Variants in RRP1 observed in about 807,000 individuals in gnomAD.
RRP1 encodes the protein ribosomal RNA processing protein 1 homolog A.
In RRP1, 37 loss-of-function variants were observed where a neutral mutation model predicts 54.6. The ratio of observed to expected loss-of-function variants is 0.68; its 90% confidence interval spans 0.52 to 0.89. The LOEUF is 0.89. Ranked by LOEUF, RRP1 falls within the 40% of genes least tolerant of loss-of-function variation. RRP1 has a pLI of 0.00. For missense variants in RRP1, 639 were observed against 612.5 expected, an observed-to-expected ratio of 1.04 and a Z score of -0.46; for synonymous variants, 262 against 244.3, an observed-to-expected ratio of 1.07 and a Z score of -0.67.
At chr21:43,802,011 G>GT (rs1419332376) in intron 11 of RRP1, among the ~76,000 whole-genome samples, 1 of 152,198 alleles carries the variant, frequency 6.6e-6, no homozygotes, top group Non-Finnish European at 1.5e-5. Context: ...GCTGGTCCCA[G>GT]GCATTTGGGG....
chr21:43,804,164 C>T lies in RRP1; in HGVS notation c.*390C>T. On this transcript the variant is annotated 3_prime_UTR_variant, in exon 13 of 13. Transcript: ENST00000497547. The surrounding 1 kb of genome is among the most constrained non-coding windows in gnomAD (Gnocchi z 4.3). ...GAGGTGGCAGGCGCCAGCCTCCGAGCAGTGTGGTGGTTTATATTCATGTTT... is the reference window on the plus strand; with the variant it reads ...GAGGTGGCAGGCGCCAGCCTCCGAGTAGTGTGGTGGTTTATATTCATGTTT... 4.7e-6 allele frequency: 1 copy of T among 213,162 alleles called. No individual in the cohort carries two copies. The allele number at this position is 213,162 out of a possible 1,614,324, so 13.2% of individuals were successfully genotyped here. A position where few individuals can be genotyped will look rare whatever the true frequency, so the allele number is the denominator to read the frequency against.
chr21:43,794,255 C>A (rs578001442), intron 4 of RRP1, among the ~76,000 whole-genome samples: 1 of 152,168 alleles, frequency 6.6e-6, no homozygotes, highest in South Asian at 2.1e-4. Flanking sequence ...AGGCCAGGGG[C>A]CCGGCCATGC....
chr21:43,801,017 C>T (rs752044959), intron 11 of RRP1, 136 bp downstream of exon 11: 21 of 935,050 alleles, frequency 2.2e-5, no homozygotes, highest in Non-Finnish European at 3.4e-5. Context: ...TTCTGAGGGA[C>T]AGGGAGGCAG....
chr21:43,797,223 T>C, intron 5 of RRP1, 199 bp from the exon 6 acceptor site: 1 of 795,744 alleles, frequency 1.3e-6, no homozygotes, highest in Non-Finnish European at 1.9e-6. Context: ...ACTCCCTAAC[T>C]GCAAGACTGC....
chr21:43,798,441 G>A (rs918133598), intron 8 of RRP1, among the ~76,000 whole-genome samples: 1 of 152,046 alleles, frequency 6.6e-6, no homozygotes, highest in African/African-American at 2.4e-5. Context: ...ATCACTCTCT[G>A]GGGCTGGACT....
At chr21:43,791,763 C>G (rs2084961647) in intron 2 of RRP1, among the ~76,000 whole-genome samples, 1 of 152,148 alleles carries the variant, frequency 6.6e-6, no homozygotes, top group African/African-American at 2.4e-5. Context: ...CTCGGCCTCC[C>G]AAAGTGCTGG....
chr21:43,795,049 G>T, intron 4 of RRP1, 140 bp from the exon 5 acceptor site: 1 of 768,790 alleles, frequency 1.3e-6, no homozygotes. Flanking sequence ...AGCAGCTCTG[G>T]GGGCCGGCTG....
Position 43,805,276 on chromosome 21 carries a change from CAA to C in RRP1, c.*1518_*1519del, listed in dbSNP as rs59150143. The C allele has an allele frequency of 1.7e-3, 205 of 119,462 alleles. 1 individual carries two copies. The Middle Eastern group carries it at 0.035, about 21-fold the overall frequency. The allele number at this position is 119,462 out of a possible 1,614,324, so 7.4% of individuals were successfully genotyped here. On this transcript the variant is annotated 3_prime_UTR_variant, in exon 13 of 13. Transcript: ENST00000497547. ...GGGCAACGAGAGGGAAACTCTGTTTCAAAAAAAAAAAAAAAAAGACAAGCGTG... is the reference window on the plus strand; with the variant it reads ...GGGCAACGAGAGGGAAACTCTGTTTCAAAAAAAAAAAAAAAGACAAGCGTG...
Position 43,804,066 on chromosome 21 carries a change from G to C in RRP1, c.*292G>C. 2.6e-6 allele frequency: 1 copy of C among 381,778 alleles called. No homozygotes were observed. Among genetic ancestry groups the C allele is most frequent in the Non-Finnish European group, 4.6e-6 (1 of 216,482 alleles). 23.6% of individuals were successfully genotyped at this position (381,778 alleles called of 1,614,324 possible). ...GGACTGGCCGCCCCTGCTGTGGGGGGTTCAGAAAATAAAATGCCGCGCAGC... is the reference window on the plus strand; with the variant it reads ...GGACTGGCCGCCCCTGCTGTGGGGGCTTCAGAAAATAAAATGCCGCGCAGC... On this transcript the variant is annotated 3_prime_UTR_variant, in exon 13 of 13. Transcript: ENST00000497547. The surrounding 1 kb of genome is among the most constrained non-coding windows in gnomAD (Gnocchi z 4.3).
intron 4 of RRP1, among the ~76,000 whole-genome samples, chr21:43,793,681 G>A (rs1057485326): frequency 6.6e-6 from 1 of 152,260 alleles, no homozygotes; most frequent in Non-Finnish European, 1.5e-5. Context: ...CTCTCCTGGT[G>A]AGAGTCGATG....
rs531133686 is a variant in RRP1, at chr21:43,802,354, C to A, written c.1090C>A (p.Gln364Lys). ...GAGGCGGCAGAAGAAGACGAAGAAG[C>A]AGAAGCGTCTGCTCAGGTTGCAGCA... ...EGRRQKKTKK[Q>K]KRLLRLQQER... Residue 364 changes from glutamine (Q) to lysine (K), a missense_variant, in exon 12 of 13, where the codon CAG (glutamine) becomes AAG (lysine). Physicochemically the swap from Gln to Lys is moderately conservative, Grantham distance 53. Transcript: ENST00000497547. 213 of 1,613,958 alleles carry A rather than the reference C, an allele frequency of 1.3e-4. No homozygotes were observed. In the South Asian group the frequency reaches 2.2e-3, roughly 17 times the overall value.
chr21:43,795,508 G>A (rs553602982), intron 5 of RRP1, among the ~76,000 whole-genome samples: 31 of 152,304 alleles, frequency 2.0e-4, no homozygotes, highest in Admixed American at 7.2e-4. Context: ...GTGTCCAGCC[G>A]AGGAGCTTCT....
chr21:43,798,164 C>T lies in RRP1; in HGVS notation c.811+64C>T. The T allele has an allele frequency of 4.9e-6, 7 of 1,431,896 alleles. No individual in the cohort carries two copies. The South Asian group carries it at 5.5e-5, about 11-fold the overall frequency. The allele number at this position is 1,431,896 out of a possible 1,614,324, so 88.7% of individuals were successfully genotyped here. ...GTCCTGGGCTGAGCCAGTGCGATCTCCTGCTGGGTTGCTCCTGCCACCTCC... is the reference window on the plus strand; with the variant it reads ...GTCCTGGGCTGAGCCAGTGCGATCTTCTGCTGGGTTGCTCCTGCCACCTCC... On this transcript the variant is annotated intron_variant, in intron 8 of 12. Transcript: ENST00000497547.
At position 43,799,579 on chromosome 21, in the gene RRP1, G is replaced by A. The variant is rs1222915966; in HGVS notation, c.821G>A (p.Cys274Tyr). ...GTCCCTTTTGTTCCAGGCTCCATCTGCAGGGCTGAACCTGAGGCTGGTGAG... is the reference window on the plus strand; with the variant it reads ...GTCCCTTTTGTTCCAGGCTCCATCTACAGGGCTGAACCTGAGGCTGGTGAG... Reference protein sequence around the residue: ...RSEKPPAGSICRAEPEAGEEQ... With the variant: ...RSEKPPAGSIYRAEPEAGEEQ... The change falls in exon 9 of 13, where the codon TGC (cysteine) becomes TAC (tyrosine). Residue 274 changes from cysteine (C) to tyrosine (Y), a missense_variant. Physicochemically the swap from Cys to Tyr is radical, Grantham distance 194 (BLOSUM62 -2). Transcript: ENST00000497547. 8 of 1,611,828 alleles carry A rather than the reference G, an allele frequency of 5.0e-6. No individual in the cohort carries two copies. Among genetic ancestry groups the A allele is most frequent in the Admixed American group, 1.7e-5 (1 of 59,902 alleles).
chr21:43,802,132 C>T (rs1467524688), intron 11 of RRP1, 142 bp from the exon 12 acceptor site: 2 of 621,102 alleles, frequency 3.2e-6, no homozygotes, highest in South Asian at 1.9e-5. Context: ...ACTGAACACG[C>T]TGCTCCTGGG....
rs547180939 is a variant in RRP1 at position 43,798,347 on chromosome 21, G to A, written c.811+247G>A. On this transcript the variant is annotated intron_variant, in intron 8 of 12. Transcript: ENST00000497547. The stretch of plus-strand genomic sequence containing the variant: ...GGACCCCTGGGCTCCTCGGTCTAAC[G>A]CATGCCTCTGGCTCAGTTGGCCCCC... Among the ~76,000 whole-genome samples the A allele has an allele frequency of 1.6e-4, 25 of 152,200 alleles. No individual in the cohort carries two copies. In the South Asian group the frequency reaches 4.6e-3, roughly 28 times the overall value.
In RRP1 at chr21:43,805,083, G is replaced by C. The variant is rs2085130307; in HGVS notation, c.*1309G>C. 6.6e-6 allele frequency: 1 copy of C among 152,292 alleles called. No homozygotes were observed. Among genetic ancestry groups the C allele is most frequent in the South Asian group, 2.1e-4 (1 of 4,840 alleles). 9.4% of individuals were successfully genotyped at this position (152,292 alleles called of 1,614,324 possible). On this transcript the variant is annotated 3_prime_UTR_variant, in exon 13 of 13. Transcript: ENST00000497547. ...ACCTGAGGTCAGGAGTTTGAGACCA[G>C]ACTGACCAACATGGAGAAACCCCAT...
chr21:43,795,609 G>A (rs1370780218), intron 5 of RRP1, among the ~76,000 whole-genome samples: 1 of 152,124 alleles, frequency 6.6e-6, no homozygotes, highest in African/African-American at 2.4e-5. Context: ...GTGCAGTGGC[G>A]TGATCTTGGC....
At chr21:43,795,852 T>C (rs1050631407) in intron 5 of RRP1, among the ~76,000 whole-genome samples, 37 of 152,322 alleles carry the variant, frequency 2.4e-4, no homozygotes, top group Non-Finnish European at 4.6e-4. Context: ...TCTAAAAATA[T>C]GTAAATTGGC....
Sources: gnomAD v4.1 joint callset for allele counts (sites outside exome capture counted in the v4.1 genomes callset) on GRCh38, gnomAD v4.1.1 for gene constraint, Gnocchi (gnomAD v3.1) non-coding constraint, MANE v1.5 for transcripts, NCBI Gene and HGNC (gene_info 2026-07-23, HGNC 2026-07-21) for gene names.